Variants in NLRP5 observed in about 807,000 individuals in gnomAD.
NLRP5 encodes the protein NACHT, LRR and PYD domains-containing protein 5.
In NLRP5, 93 loss-of-function variants were observed where a neutral mutation model predicts 113.1. The ratio of observed to expected loss-of-function variants is 0.82; its 90% CI spans 0.70 to 0.98. The LOEUF is 0.98. Ranked by LOEUF, NLRP5 falls within the 50% of genes least tolerant of loss-of-function variation. The probability of loss-of-function intolerance (pLI) is 0.00; values close to 1 mark genes in which losing one functional copy is unlikely to be tolerated. For synonymous variants in NLRP5, 751 were observed against 600.7 expected (o/e 1.25, Z -3.66); for missense variants, 1,808 against 1,514.3 (o/e 1.19, Z -3.22).
chr19:55,989,871 G>A, the NLRP5 span, among the ~76,000 whole-genome samples: 8 of 152,102 alleles, frequency 5.3e-5, no homozygotes, highest in South Asian at 1.0e-3. Context: ...TTAAAGTACC[G>A]TCCAAAAAGA....
intron 11 of NLRP5, among the ~76,000 whole-genome samples, chr19:56,043,996 A>C (rs1272479072): frequency 4.1e-5 from 6 of 146,972 alleles, no homozygotes; most frequent in African/African-American, 1.5e-4. Context: ...TGCCTAAGCC[A>C]ATGTCTCGAA....
intron 11 of NLRP5, among the ~76,000 whole-genome samples, chr19:56,042,930 ATTCC>A (rs2123325878): frequency 6.6e-6 from 1 of 150,914 alleles, no homozygotes; most frequent in Admixed American, 6.6e-5. Flanking sequence ...CTGTTAATTC[ATTCC>A]TTTTTATGGC....
At chr19:55,995,597 A>G (rs1599871440), upstream of NLRP5, among the ~76,000 whole-genome samples, 1 of 152,104 alleles carries the variant, frequency 6.6e-6, no homozygotes, top group Non-Finnish European at 1.5e-5. Context: ...CTATACAAAT[A>G]TTAGGATTGT....
intron 4 of NLRP5, among the ~76,000 whole-genome samples, chr19:56,018,151 A>G (rs958391472): frequency 2.6e-5 from 4 of 152,194 alleles, no homozygotes; most frequent in Non-Finnish European, 5.9e-5. Flanking sequence ...TTTTCATACA[A>G]TAACCAAGGC....
chr19:55,987,941 T>C, the NLRP5 span: 1 of 1,537,828 alleles, frequency 6.5e-7, no homozygotes, highest in Non-Finnish European at 9.0e-7. Context: ...CTCTGGGGCT[T>C]GATTGATCAG....
At chr19:56,017,647 C>T (rs1194851197) in intron 4 of NLRP5, among the ~76,000 whole-genome samples, 1 of 152,128 alleles carries the variant, frequency 6.6e-6, no homozygotes, top group Non-Finnish European at 1.5e-5. Flanking sequence ...GGAACATAAA[C>T]TTGAAGCATG....
intron 13 of NLRP5, 89 bp downstream of exon 13, chr19:56,053,897 T>C (rs17646552): frequency 0.012 from 14,441 of 1,248,884 alleles, 114 homozygotes; most frequent in Middle Eastern, 0.03. Flanking sequence ...ATGATGATGA[T>C]CTGGTTTCCA....
At chr19:56,052,589 C>T (rs971390951) in intron 12 of NLRP5, among the ~76,000 whole-genome samples, 3 of 152,072 alleles carry the variant, frequency 2.0e-5, no homozygotes, top group Admixed American at 1.3e-4. Flanking sequence ...CTTTATTCTT[C>T]ACCCGATGGC....
At chr19:56,058,145 C>A in intron 13 of NLRP5, 95 bp from the exon 14 acceptor site, 1 of 977,290 alleles carries the variant, frequency 1.0e-6, no homozygotes, top group Non-Finnish European at 1.5e-6. Context: ...TTTTGTTTTC[C>A]CAAAGAAAAA....
intron 1 of NLRP5, among the ~76,000 whole-genome samples, chr19:56,001,266 A>G (rs909799381): frequency 6.8e-6 from 1 of 147,462 alleles, no homozygotes; most frequent in Admixed American, 6.9e-5. Context: ...TCGAGGCTGC[A>G]GTGAGCTGTG....
intron 2 of NLRP5, among the ~76,000 whole-genome samples, chr19:56,007,378 A>G (rs962041538): frequency 6.8e-6 from 1 of 148,068 alleles, no homozygotes; most frequent in African/African-American, 2.5e-5. Context: ...TTTTATAGAA[A>G]GTCTTACAGT....
Position 56,004,308 on chromosome 19 carries a change from C to T in NLRP5, c.442+213C>T, listed in dbSNP as rs145107973. Among the ~76,000 whole-genome samples the T allele has an allele frequency of 3.3e-3, 505 of 152,198 alleles. 6 individuals carry two copies. The highest frequency in any genetic ancestry group is 0.012 in the African/African-American group (482 of 41,516). On this transcript the variant is annotated intron_variant, in intron 2 of 14. Transcript: ENST00000390649. The stretch of plus-strand genomic sequence containing the variant: ...GGAGGAGGGAGAAATGGGTAGACAA[C>T]GGCTCCACCCACATGGACTTCATTG...
At position 56,058,258 on chromosome 19, in the gene NLRP5, G is replaced by C; in HGVS notation, c.3318G>C (p.Leu1106=). 6.2e-7 allele frequency: 1 copy of C among 1,613,834 alleles called. No homozygotes were observed. ...CCTGCAGGTTGAAGGCATGTGGACT[G>C]ACTTCTGATTGCTGTGAGGCACTCT... The change falls in exon 14 of 15, where the codon CTG becomes CTC. Residue 1106 remains leucine (L), a synonymous_variant. Transcript: ENST00000390649.
chr19:56,036,953 T>C (rs1218032129), intron 9 of NLRP5, among the ~76,000 whole-genome samples: 2 of 151,996 alleles, frequency 1.3e-5, no homozygotes, highest in Non-Finnish European at 2.9e-5. Context: ...TGAGACTGTC[T>C]CAAAAAATAA....
At chr19:56,041,320 G>A (rs1410837887) in intron 11 of NLRP5, among the ~76,000 whole-genome samples, 2 of 152,100 alleles carry the variant, frequency 1.3e-5, no homozygotes, top group Non-Finnish European at 1.5e-5. Context: ...AGGACAGTCA[G>A]TTCTCATAAT....
chr19:56,011,837 G>A (rs112247323), intron 3 of NLRP5, among the ~76,000 whole-genome samples: 4 of 151,474 alleles, frequency 2.6e-5, no homozygotes, highest in Non-Finnish European at 4.4e-5. Context: ...GATTACACAC[G>A]CGCGCCACCG....
chr19:56,024,570 CACATATAT>C (rs756974968), intron 6 of NLRP5, among the ~76,000 whole-genome samples: 26 of 135,444 alleles, frequency 1.9e-4, no homozygotes, highest in Non-Finnish European at 3.9e-4. Context: ...TGTATATATA[CACATATAT>C]ATACATACAC....
intron 6 of NLRP5, among the ~76,000 whole-genome samples, chr19:56,021,087 G>A (rs1388945331): frequency 6.6e-6 from 1 of 151,968 alleles, no homozygotes; most frequent in Admixed American, 6.6e-5. Context: ...GGCCAGGTCG[G>A]TCTCGCACTC....
At chr19:56,020,340 T>C (rs777414155) in intron 5 of NLRP5, 35 bp from the exon 6 acceptor site, 2 of 1,611,558 alleles carry the variant, frequency 1.2e-6, no homozygotes, top group Non-Finnish European at 1.7e-6. Flanking sequence ...ACTCGAATAA[T>C]AAACACAAGT....
Sources: gnomAD v4.1 joint callset for allele counts (sites outside exome capture counted in the v4.1 genomes callset) on GRCh38, gnomAD v4.1.1 for gene constraint, MANE v1.5 for transcripts, NCBI Gene and HGNC (gene_info 2026-07-23, HGNC 2026-07-21) for gene names.